Variants in PLAC1 observed in about 807,000 individuals in gnomAD.
The protein encoded by PLAC1 is placenta associated 1, also known as placenta-specific protein 1.
For synonymous variants in PLAC1, 68 were observed against 62.1 expected (o/e 1.09, Z -0.44); for missense variants, 136 against 163.2 (o/e 0.83, Z 0.91).
chrX:134,718,681 G>A (rs964915144), intron 2 of PLAC1, among the ~76,000 whole-genome samples: 1 of 112,137 alleles, frequency 8.9e-6, no homozygotes, highest in African/African-American at 3.2e-5. Flanking sequence ...ATATCCTAGG[G>A]CCTGGCTACT....
At chrX:134,726,092 T>G (rs1290243782) in intron 2 of PLAC1, among the ~76,000 whole-genome samples, 1 of 111,769 alleles carries the variant, frequency 8.9e-6, no homozygotes, top group Non-Finnish European at 1.9e-5. Flanking sequence ...ACACCCTATG[T>G]CCATCCTCCA....
chrX:134,595,648 T>G (rs749292167), intron 2 of PLAC1, among the ~76,000 whole-genome samples: 15 of 108,077 alleles, frequency 1.4e-4, no homozygotes, highest in African/African-American at 4.7e-4. Flanking sequence ...ATAATTTCTT[T>G]CTCTGAAGTC....
rs756057988 is a variant in PLAC1 at position 134,590,638 on chromosome X, CAG to C, written c.-59+11411_-59+11412del. Among the ~76,000 whole-genome samples the C allele has an allele frequency of 3.6e-5, 4 of 111,412 alleles. No individual in the cohort carries two copies. In the East Asian group the frequency reaches 1.1e-3, roughly 31 times the overall value. On this transcript the variant is annotated intron_variant, in intron 2 of 2. Coordinates refer to ENST00000359237, the MANE Select transcript of PLAC1 (RefSeq NM_021796.4). ...AAGAGACTTTTTTGTTTTTTTGAGA[CAG>C]AGTCCCACTCTGTCACCCAGGCTGG... is the stretch of plus-strand genomic sequence containing the variant.
chrX:134,753,869 C>T (rs1241089301), intron 1 of PLAC1, among the ~76,000 whole-genome samples: 3 of 111,640 alleles, frequency 2.7e-5, no homozygotes, highest in East Asian at 5.6e-4. Context: ...ATTGATTTCT[C>T]GACTCGGGAG....
At chrX:134,760,637 TA>T (rs746979303) in intron 1 of PLAC1, among the ~76,000 whole-genome samples, 56 of 104,551 alleles carry the variant, frequency 5.4e-4, no homozygotes, top group African/African-American at 1.3e-3. Flanking sequence ...AGTGTTAGGT[TA>T]AAAAAAAAAG....
At chrX:134,696,558 G>T in intron 2 of PLAC1, among the ~76,000 whole-genome samples, 1 of 111,932 alleles carries the variant, frequency 8.9e-6, no homozygotes, top group Non-Finnish European at 1.9e-5. Context: ...ATACCAAACA[G>T]CACAATCTGG....
chrX:134,599,549 C>A (rs1403662230), intron 2 of PLAC1: 1 of 111,866 alleles, frequency 8.9e-6, no homozygotes, highest in Non-Finnish European at 1.9e-5. Context: ...AAACCTTTTT[C>A]CTTTATAAAT....
At chrX:134,726,115 C>T (rs1229735676) in intron 2 of PLAC1, among the ~76,000 whole-genome samples, 1 of 111,694 alleles carries the variant, frequency 9.0e-6, no homozygotes, top group African/African-American at 3.3e-5. Context: ...GCTATTTTTC[C>T]GTCTTAGAAT....
intron 1 of PLAC1, chrX:134,607,093 T>C (rs1345739356): frequency 8.8e-6 from 1 of 113,392 alleles, no homozygotes; most frequent in African/African-American, 3.2e-5. Flanking sequence ...TTTGAGTTAA[T>C]AAAAAAGACA....
At chrX:134,764,122 A>T (rs1210627355) in intron 1 of PLAC1, 2 of 112,214 alleles carry the variant, frequency 1.8e-5, no homozygotes, top group Non-Finnish European at 3.8e-5. Flanking sequence ...TTACTATACG[A>T]CCTGCCAAGT....
At chrX:134,647,030 T>C (rs2078336815) in intron 1 of PLAC1, among the ~76,000 whole-genome samples, 1 of 112,078 alleles carries the variant, frequency 8.9e-6, no homozygotes, top group Non-Finnish European at 1.9e-5. Context: ...TAGTGAGCCA[T>C]GTCCTCAGCA....
chrX:134,733,298 A>T (rs770664508), intron 2 of PLAC1: 2 of 109,839 alleles, frequency 1.8e-5, no homozygotes, highest in East Asian at 5.7e-4. Context: ...GTTGGGGGAA[A>T]TCTCTGCAGG....
chrX:134,700,722 C>T lies in PLAC1; in HGVS notation n.174+32713G>A, dbSNP rs186313076. Among the ~76,000 whole-genome samples, 182 of 111,815 alleles carry T rather than the reference C, an allele frequency of 1.6e-3. 2 individuals carry two copies. Among genetic ancestry groups the T allele is most frequent in the African/African-American group, 5.6e-3 (171 of 30,791 alleles). ...ACAAAAAATAAAATACCTAGGAATA[C>T]ATCTAACCAAAGACATGAAAGATCT... On this transcript the variant is annotated intron_variant and non_coding_transcript_variant, in intron 2 of 2. Coordinates refer to the PLAC1 transcript ENST00000466797.
intron 1 of PLAC1, among the ~76,000 whole-genome samples, chrX:134,643,189 G>C (rs1426676961): frequency 1.8e-5 from 2 of 111,246 alleles, no homozygotes; most frequent in Non-Finnish European, 3.8e-5. Flanking sequence ...ACAATTTTCT[G>C]GGATACTTTA....
chrX:134,582,829 C>T (rs776042144), intron 2 of PLAC1, among the ~76,000 whole-genome samples: 15 of 111,512 alleles, frequency 1.3e-4, no homozygotes, highest in Non-Finnish European at 2.3e-4. Flanking sequence ...AGAAGAAAGT[C>T]TAGGGAAAGA....
chrX:134,603,150 A>G (rs2078096616), intron 1 of PLAC1, among the ~76,000 whole-genome samples: 2 of 98,932 alleles, frequency 2.0e-5, no homozygotes, highest in Non-Finnish European at 4.0e-5. Flanking sequence ...TTCAGAAGTA[A>G]CTATCAGATG....
intron 1 of PLAC1, among the ~76,000 whole-genome samples, chrX:134,622,293 T>C (rs1266872429): frequency 3.6e-5 from 4 of 111,969 alleles, no homozygotes. Context: ...GGCTACCTCC[T>C]GACTGATCAG....
chrX:134,683,258 C>T (rs2078504955), intron 2 of PLAC1, among the ~76,000 whole-genome samples: 1 of 110,006 alleles, frequency 9.1e-6, no homozygotes, highest in African/African-American at 3.3e-5. Flanking sequence ...ATCTAGTGGG[C>T]CTTGGAATCA....
upstream of PLAC1, among the ~76,000 whole-genome samples, chrX:134,659,156 T>G (rs2078406119): frequency 9.1e-6 from 1 of 109,997 alleles, no homozygotes; most frequent in Non-Finnish European, 1.9e-5. Flanking sequence ...CCATGGCACA[T>G]GTTTACTTAC....
Sources: gnomAD v4.1 joint callset for allele counts (sites outside exome capture counted in the v4.1 genomes callset) on GRCh38, gnomAD v4.1.1 for gene constraint, MANE v1.5 for transcripts, NCBI Gene and HGNC (gene_info 2026-07-23, HGNC 2026-07-21) for gene names.